Variants in KHDRBS1 observed in about 807,000 individuals in gnomAD.
The protein encoded by KHDRBS1 is KH domain-containing, RNA-binding, signal transduction-associated protein 1.
KHDRBS1 carries 7 observed loss-of-function variants against 48.4 expected under a neutral mutation model. The ratio of observed to expected loss-of-function variants is 0.14; its 90% CI spans 0.08 to 0.27. The LOEUF (loss-of-function observed/expected upper bound fraction) is 0.27, where lower values mean the gene tolerates loss of function less well. KHDRBS1 is among the 10% of genes least tolerant of loss of function. The pLI is 1.00. For synonymous variants in KHDRBS1, 241 were observed against 235.8 expected, an observed-to-expected ratio of 1.02 and a Z score of -0.20; for missense variants, 458 against 601.2, an observed-to-expected ratio of 0.76 and a Z score of 2.49.
chr1:32,017,182 C>T (rs572542566), intron 1 of KHDRBS1, among the ~76,000 whole-genome samples: 20 of 151,660 alleles, frequency 1.3e-4, no homozygotes, highest in African/African-American at 2.4e-4. Context: ...CACTTGAAAC[C>T]GGGAGTTGGA....
chr1:32,032,440 T>G (rs1413163886), intron 3 of KHDRBS1, among the ~76,000 whole-genome samples: 1 of 152,224 alleles, frequency 6.6e-6, no homozygotes, highest in Non-Finnish European at 1.5e-5. Context: ...TCCTGACTTC[T>G]TTCTTCCCCT....
At chr1:32,033,143 T>C in intron 3 of KHDRBS1, 45 bp from the exon 4 acceptor site, 1 of 1,560,960 alleles carries the variant, frequency 6.4e-7, no homozygotes, top group South Asian at 1.1e-5. Flanking sequence ...AGGTGGTGTT[T>C]TCTCCCTAGT....
At chr1:32,032,874 G>A (rs543614450) in intron 3 of KHDRBS1, among the ~76,000 whole-genome samples, 4 of 152,174 alleles carry the variant, frequency 2.6e-5, no homozygotes, top group African/African-American at 9.6e-5. Context: ...ATTTTTAGTA[G>A]AGACGGGGCT....
At chr1:32,024,485 TA>T (rs902097511) in intron 1 of KHDRBS1, among the ~76,000 whole-genome samples, 4 of 149,942 alleles carry the variant, frequency 2.7e-5, no homozygotes, top group South Asian at 2.1e-4. Context: ...TAATTTAATT[TA>T]TTTTTTTTTT....
At chr1:32,020,571 C>T (rs1638837818) in intron 1 of KHDRBS1, among the ~76,000 whole-genome samples, 1 of 151,346 alleles carries the variant, frequency 6.6e-6, no homozygotes, top group East Asian at 1.9e-4. Context: ...AACCAAATGC[C>T]TCCAATAAAC....
rs1557892025 is a variant in KHDRBS1, at chr1:32,025,931, T to TATATATATATATATATATATATATATA, written c.383-4367_383-4366insATATATATATATATATATATATATATA. Among the ~76,000 whole-genome samples, 9 of 144,254 alleles carry TATATATATATATATATATATATATATA rather than the reference T, an allele frequency of 6.2e-5. 1 individual carries two copies. Among genetic ancestry groups the TATATATATATATATATATATATATATA allele is most frequent in the African/African-American group, 2.4e-4 (9 of 37,720 alleles). 94.6% of individuals were successfully genotyped at this position (144,254 alleles called of 152,430 possible). A position where few individuals can be genotyped will look rare whatever the true frequency, so the allele number is the denominator to read the frequency against. Reference sequence around the variant, plus strand: ...AGCTAATTTAAATATATATATATATTTATTTATTTATTTATTTATTTATTT... The same window carrying TATATATATATATATATATATATATATA: ...AGCTAATTTAAATATATATATATATTATATATATATATATATATATATATATATATTTATTTATTTATTTATTTATTT... On this transcript the variant is annotated intron_variant, in intron 1 of 8. Transcript: ENST00000327300.
At chr1:32,028,033 C>T (rs6673594) in intron 1 of KHDRBS1, among the ~76,000 whole-genome samples, 5,721 of 152,300 alleles carry the variant, frequency 0.038, 348 homozygotes, top group African/African-American at 0.13. Flanking sequence ...AGGAGAATCG[C>T]TTGAACCCGG....
Position 32,043,282 on chromosome 1 carries a change from T to TA in KHDRBS1, c.*669dup, listed in dbSNP as rs946065329. On this transcript the variant is annotated 3_prime_UTR_variant, in exon 9 of 9. Transcript: ENST00000327300. ...ATGCAATTTTTAACGTTAATTGATA[T>TA]AAAAAAAAAAACAACAAAATTAGGC... The TA allele has an allele frequency of 0.015, 2,154 of 146,170 alleles. 16 individuals carry two copies. The highest frequency in any genetic ancestry group is 0.019 in the Non-Finnish European group (1,263 of 65,858). 9.1% of individuals were successfully genotyped at this position (146,170 alleles called of 1,614,324 possible). A position where few individuals can be genotyped will look rare whatever the true frequency, so the allele number is the denominator to read the frequency against.
chr1:32,039,084 C>T (rs1460840944), intron 7 of KHDRBS1, among the ~76,000 whole-genome samples: 1 of 152,122 alleles, frequency 6.6e-6, no homozygotes, highest in Non-Finnish European at 1.5e-5. Context: ...ATTCCATTAC[C>T]ATAACTTAGG....
intron 10 of KHDRBS1, among the ~76,000 whole-genome samples, chr1:32,049,647 G>A (rs1365763945): frequency 6.6e-6 from 1 of 150,766 alleles, no homozygotes; most frequent in Non-Finnish European, 1.5e-5. Flanking sequence ...CGGTGACTCT[G>A]TTTATTTTTT....
At chr1:32,050,394 G>A (rs1639404161) in intron 10 of KHDRBS1, among the ~76,000 whole-genome samples, 1 of 152,078 alleles carries the variant, frequency 6.6e-6, no homozygotes, top group Non-Finnish European at 1.5e-5. Context: ...TTGAAGTCCA[G>A]TTTATCTGTT....
At chr1:32,039,765 C>A (rs1428864823) in intron 8 of KHDRBS1, among the ~76,000 whole-genome samples, 192 bp downstream of exon 8, 2 of 152,062 alleles carry the variant, frequency 1.3e-5, no homozygotes, top group Non-Finnish European at 2.9e-5. Flanking sequence ...AGAGGGACTG[C>A]TAAAGTGAGG....
At chr1:32,054,713 C>T (rs1050294789) in intron 10 of KHDRBS1, among the ~76,000 whole-genome samples, 2 of 152,130 alleles carry the variant, frequency 1.3e-5, no homozygotes, top group Admixed American at 6.6e-5. Context: ...TGGCCCGGGA[C>T]GGCTTTGAAT....
At chr1:32,026,232 G>A (rs978197317) in intron 1 of KHDRBS1, among the ~76,000 whole-genome samples, 1 of 152,048 alleles carries the variant, frequency 6.6e-6, no homozygotes, top group African/African-American at 2.4e-5. Context: ...GCAGTGGCAT[G>A]ATCTTGGCTC....
downstream of KHDRBS1, chr1:32,045,241 A>G (rs1368202651): frequency 6.6e-6 from 1 of 152,668 alleles, no homozygotes; most frequent in Non-Finnish European, 1.5e-5. Context: ...TGTAATGTGT[A>G]AACTGCATGC....
At chr1:32,015,735 C>A (rs922809406) in intron 1 of KHDRBS1, among the ~76,000 whole-genome samples, 5 of 152,112 alleles carry the variant, frequency 3.3e-5, no homozygotes, top group Admixed American at 6.6e-5. Context: ...TGTATGAATT[C>A]TTTCTAGCAT....
intron 10 of KHDRBS1, among the ~76,000 whole-genome samples, chr1:32,057,954 C>CA (rs201327348): frequency 0.014 from 2,125 of 146,590 alleles, 18 homozygotes; most frequent in Non-Finnish European, 0.023. Flanking sequence ...CCACCTGTAC[C>CA]AAAAAAACAA....
Position 32,036,163 on chromosome 1 carries a change from ATTTTTTTTT to A in KHDRBS1, c.772-729_772-721del, listed in dbSNP as rs397742842. ...TACTTATTTCAGGGTCATTTTGAAG[ATTTTTTTTT>A]TTTTTTTTTTTTTTTTTGAGATGGA... On this transcript the variant is annotated intron_variant, in intron 4 of 8. Coordinates refer to ENST00000327300, the MANE Select transcript of KHDRBS1 (RefSeq NM_006559.3). Among the ~76,000 whole-genome samples the A allele has an allele frequency of 9.9e-5, 6 of 60,470 alleles. No individual in the cohort carries two copies. In the Admixed American group the frequency reaches 1.0e-3, roughly 10 times the overall value. 39.7% of individuals were successfully genotyped at this position (60,470 alleles called of 152,430 possible).
intron 1 of KHDRBS1, among the ~76,000 whole-genome samples, chr1:32,026,019 G>A (rs1638964060): frequency 6.7e-6 from 1 of 150,220 alleles, no homozygotes; most frequent in Non-Finnish European, 1.5e-5. Flanking sequence ...GCTCAAAGCA[G>A]TCATCCTGCT....
Sources: gnomAD v4.1 joint callset for allele counts (sites outside exome capture counted in the v4.1 genomes callset) on GRCh38, gnomAD v4.1.1 for gene constraint, MANE v1.5 for transcripts, NCBI Gene and HGNC (gene_info 2026-07-23, HGNC 2026-07-21) for gene names.